DCC: variants seen among roughly 807,000 people sequenced by gnomAD.
The protein encoded by DCC is DCC netrin 1 receptor, also known as netrin receptor DCC.
DCC carries 58 observed loss-of-function variants against 172.5 expected under a neutral mutation model. The observed-to-expected ratio is 0.34, with a 90% CI of 0.27 to 0.42. The LOEUF is 0.42. DCC is among the 10% of genes least tolerant of loss of function. The pLI is 1.00. For synonymous variants in DCC, 709 were observed against 644.5 expected, an observed-to-expected ratio of 1.10 and a Z score of -1.52; for missense variants, 1,740 against 1,791.0, an observed-to-expected ratio of 0.97 and a Z score of 0.51.
chr18:52,521,771 C>A (rs1303978625), intron 1 of DCC, among the ~76,000 whole-genome samples: 1 of 152,128 alleles, frequency 6.6e-6, no homozygotes, highest in East Asian at 1.9e-4. Context: ...TATTAATAAA[C>A]AGCAGCTTTC....
Position 53,310,584 on chromosome 18 carries a change from G to A in DCC, c.2053+4865G>A, listed in dbSNP as rs941002620. ...TATCAGGTTTATTGTGAGAACCCAC[G>A]TCAACTAAATTTTAAAACGTTTTTA... On this transcript the variant is annotated intron_variant, in intron 13 of 28. Coordinates refer to ENST00000442544, the MANE Select transcript of DCC (RefSeq NM_005215.4). Among the ~76,000 whole-genome samples the A allele has an allele frequency of 5.9e-5, 9 of 152,122 alleles. No individual in the cohort carries two copies. The East Asian group carries it at 1.2e-3, about 20-fold the overall frequency.
At chr18:53,032,663 A>C (rs2143965388) in intron 5 of DCC, among the ~76,000 whole-genome samples, 1 of 152,280 alleles carries the variant, frequency 6.6e-6, no homozygotes, top group South Asian at 2.1e-4. Flanking sequence ...AAAATGAATA[A>C]GAAAAATGCC....
At chr18:52,350,570 C>T (rs762744468) in intron 1 of DCC, among the ~76,000 whole-genome samples, 1 of 152,072 alleles carries the variant, frequency 6.6e-6, no homozygotes, top group Non-Finnish European at 1.5e-5. Context: ...AGAAATAAGA[C>T]AGGCTGATGG....
intron 26 of DCC, among the ~76,000 whole-genome samples, chr18:53,491,329 A>G (rs2045957200): frequency 6.6e-6 from 1 of 152,206 alleles, no homozygotes; most frequent in South Asian, 2.1e-4. Context: ...TAACAAATGC[A>G]TGTACATTCT....
At chr18:53,295,403 T>C (rs1568036818) in intron 12 of DCC, among the ~76,000 whole-genome samples, 1 of 152,136 alleles carries the variant, frequency 6.6e-6, no homozygotes, top group Non-Finnish European at 1.5e-5. Context: ...TAGATTTACA[T>C]AGTTTATAAA....
rs1555682816 is a variant in DCC, at chr18:52,927,108, C to CGT, written c.985+1739_985+1740dup. Among the ~76,000 whole-genome samples the CGT allele has an allele frequency of 2.9e-5, 3 of 104,880 alleles. 1 individual carries two copies. Among genetic ancestry groups the CGT allele is most frequent in the Non-Finnish European group, 6.0e-5 (3 of 49,922 alleles). 68.8% of individuals were successfully genotyped at this position (104,880 alleles called of 152,430 possible). On this transcript the variant is annotated intron_variant, in intron 5 of 28. Transcript: ENST00000442544. The stretch of plus-strand genomic sequence containing the variant: ...ATACACGTATATACGTGTATATACA[C>CGT]GTATATACGTGTATATACACGTATA...
intron 1 of DCC, among the ~76,000 whole-genome samples, chr18:52,400,393 G>A (rs1000022239): frequency 6.6e-6 from 1 of 151,994 alleles, no homozygotes; most frequent in African/African-American, 2.4e-5. Context: ...AAGTCAAAGT[G>A]TGTCATAAAT....
At chr18:52,413,147 T>C (rs1206380478) in intron 1 of DCC, among the ~76,000 whole-genome samples, 1 of 151,920 alleles carries the variant, frequency 6.6e-6, no homozygotes, top group Admixed American at 6.6e-5. Flanking sequence ...TTGGTTTCTC[T>C]GTTTTAAAAT....
At chr18:53,179,193 A>C in intron 9 of DCC, 77 bp downstream of exon 9, 1 of 1,425,894 alleles carries the variant, frequency 7.0e-7, no homozygotes, top group Non-Finnish European at 9.7e-7. Flanking sequence ...CTTTCACAGA[A>C]CCTTTGCGAA....
At chr18:53,280,199 C>T (rs144195945) in intron 12 of DCC, among the ~76,000 whole-genome samples, 19 of 152,254 alleles carry the variant, frequency 1.2e-4, no homozygotes, top group African/African-American at 4.6e-4. Context: ...AGGTCTAGCA[C>T]AAGTAATAAA....
At chr18:53,414,514 A>G (rs890590440) in intron 20 of DCC, among the ~76,000 whole-genome samples, 1 of 152,150 alleles carries the variant, frequency 6.6e-6, no homozygotes, top group Non-Finnish European at 1.5e-5. Context: ...TTTCAATTAT[A>G]TCTCAATAAC....
intron 5 of DCC, among the ~76,000 whole-genome samples, chr18:52,936,857 T>C (rs976257479): frequency 2.6e-4 from 39 of 152,222 alleles, no homozygotes; most frequent in African/African-American, 5.3e-4. Flanking sequence ...GGATCAGTTA[T>C]GGTTGCCAAT....
At chr18:52,999,944 A>G (rs963072031) in intron 5 of DCC, among the ~76,000 whole-genome samples, 16 of 152,172 alleles carry the variant, frequency 1.1e-4, no homozygotes, top group Non-Finnish European at 2.1e-4. Flanking sequence ...ATACATAGCC[A>G]TGCAGGGAGA....
At chr18:53,293,629 A>C (rs1252830484) in intron 12 of DCC, among the ~76,000 whole-genome samples, 1 of 152,058 alleles carries the variant, frequency 6.6e-6, no homozygotes, top group Non-Finnish European at 1.5e-5. Flanking sequence ...CTCGCACCCT[A>C]TACCTTCAAG....
At chr18:52,542,351 GAAGT>G (rs1460799894) in intron 1 of DCC, among the ~76,000 whole-genome samples, 2 of 152,116 alleles carry the variant, frequency 1.3e-5, no homozygotes, top group South Asian at 2.1e-4. Context: ...TTTTTTAAAT[GAAGT>G]AAGTGTCAGC....
intron 12 of DCC, among the ~76,000 whole-genome samples, chr18:53,226,932 G>GTA (rs1452126370): frequency 0.042 from 2,496 of 58,750 alleles, 61 homozygotes; most frequent in Admixed American, 0.093. Context: ...GTGTGTGTGT[G>GTA]TGTATATATA....
At position 52,574,855 on chromosome 18, in the gene DCC, A is replaced by G. The variant is rs183176094; in HGVS notation, c.92-177199A>G. ...GAGTTGACTGTGAGAACAGTGTCCA[A>G]TAACTTGTCATATGTGAATAGGCTT... is the stretch of plus-strand genomic sequence containing the variant. On this transcript the variant is annotated intron_variant, in intron 1 of 28. Transcript: ENST00000442544. Among the ~76,000 whole-genome samples the G allele has an allele frequency of 2.3e-4, 35 of 152,316 alleles. 1 individual carries two copies. Among genetic ancestry groups the G allele is most frequent in the African/African-American group, 7.7e-4 (32 of 41,588 alleles).
intron 12 of DCC, among the ~76,000 whole-genome samples, chr18:53,225,802 C>T (rs2056017776): frequency 1.3e-5 from 2 of 152,024 alleles, no homozygotes; most frequent in South Asian, 4.1e-4. Context: ...TGTTTTTCTC[C>T]CCATGGTTGA....
At chr18:52,778,189 C>T (rs1469159568) in intron 2 of DCC, among the ~76,000 whole-genome samples, 1 of 152,130 alleles carries the variant, frequency 6.6e-6, no homozygotes, top group Non-Finnish European at 1.5e-5. Flanking sequence ...AAAGAAGCTG[C>T]AAGTAAAGTT....
Sources: allele counts gnomAD v4.1 joint callset (sites outside exome capture counted in the v4.1 genomes callset), GRCh38; gene constraint gnomAD v4.1.1; transcripts MANE v1.5; gene names NCBI Gene and HGNC (gene_info 2026-07-23, HGNC 2026-07-21).